ENPP2: variants seen among roughly 807,000 people sequenced by gnomAD.
ENPP2 encodes ectonucleotide pyrophosphatase/phosphodiesterase 2.
ENPP2 carries 51 observed loss-of-function variants against 120.2 expected under a neutral mutation model. The ratio of observed to expected loss-of-function variants is 0.42; its 90% confidence interval spans 0.34 to 0.54. The LOEUF (loss-of-function observed/expected upper bound fraction) is 0.54, where lower values mean the gene tolerates loss of function less well. Ranked by LOEUF, ENPP2 falls within the 20% of genes least tolerant of loss-of-function variation. The pLI is 0.04. For synonymous variants in ENPP2, 365 were observed against 366.4 expected (o/e 1.00, Z 0.04); for missense variants, 920 against 1,066.5 (o/e 0.86, Z 1.91).
intron 1 of ENPP2, among the ~76,000 whole-genome samples, chr8:119,656,112 A>T (rs142003745): frequency 2.0e-5 from 3 of 152,294 alleles, no homozygotes; most frequent in Non-Finnish European, 4.4e-5. Context: ...GTAAATCCTG[A>T]TCACAGACTT....
chr8:119,629,148 T>C (rs1360950150), intron 2 of ENPP2, among the ~76,000 whole-genome samples: 1 of 152,092 alleles, frequency 6.6e-6, no homozygotes, highest in Non-Finnish European at 1.5e-5. Context: ...ATGTCATATA[T>C]GTATGTGTGG....
At chr8:119,642,824 T>G (rs1817322065), upstream of ENPP2, among the ~76,000 whole-genome samples, 2 of 152,218 alleles carry the variant, frequency 1.3e-5, no homozygotes, top group South Asian at 4.1e-4. Context: ...AATTATTCTA[T>G]GCGTCCTTGT....
chr8:119,662,870 G>A (rs1400892819), intron 1 of ENPP2, among the ~76,000 whole-genome samples: 1 of 152,120 alleles, frequency 6.6e-6, no homozygotes, highest in Admixed American at 6.6e-5. Flanking sequence ...CAGGACTTTG[G>A]GAGGCCAAGG....
upstream of ENPP2, among the ~76,000 whole-genome samples, chr8:119,640,233 G>A (rs796868354): frequency 5.3e-5 from 8 of 152,276 alleles, no homozygotes; most frequent in African/African-American, 1.9e-4. Context: ...AAAGAGGACA[G>A]GCTTATACAT....
chr8:119,627,244 A>G (rs1005566188), intron 2 of ENPP2, among the ~76,000 whole-genome samples: 1 of 152,204 alleles, frequency 6.6e-6, no homozygotes, highest in Admixed American at 6.5e-5. Context: ...GAAGACTTTT[A>G]CAGTTTCAGC....
At chr8:119,557,747 A>G (rs1813580421) in intron 24 of ENPP2, 56 bp from the exon 25 acceptor site, 8 of 1,454,368 alleles carry the variant, frequency 5.5e-6, no homozygotes, top group Non-Finnish European at 7.4e-6. Context: ...AGTTTCTCCA[A>G]ATGGTCAGTT....
chr8:119,632,019 T>C (rs978227042), intron 2 of ENPP2, among the ~76,000 whole-genome samples: 2 of 152,218 alleles, frequency 1.3e-5, no homozygotes, highest in Admixed American at 1.3e-4. Context: ...TGCTCATCCC[T>C]CAGTCCTTTG....
At position 119,628,751 on chromosome 8, in the gene ENPP2, A is replaced by G. The variant is rs892486784; in HGVS notation, c.137-2031T>C. Among the ~76,000 whole-genome samples, 6 of 152,216 alleles carry G rather than the reference A, an allele frequency of 3.9e-5. No individual in the cohort carries two copies. In the East Asian group the frequency reaches 1.2e-3, roughly 29 times the overall value. ...GGATAGAAATGAAGATAGAAATAAA[A>G]ACAGAGCCAAAACTAGAGACGAGTG... On this transcript the variant is annotated intron_variant, in intron 2 of 24. Transcript: ENST00000075322.
intron 1 of ENPP2, among the ~76,000 whole-genome samples, chr8:119,658,122 G>A (rs923268813): frequency 6.6e-6 from 1 of 152,166 alleles, no homozygotes; most frequent in East Asian, 1.9e-4. Context: ...ATAATAACAC[G>A]TAATATTGAT....
chr8:119,637,877 A>T (rs778306885), intron 2 of ENPP2, among the ~76,000 whole-genome samples: 1 of 152,228 alleles, frequency 6.6e-6, no homozygotes, highest in Admixed American at 6.5e-5. Flanking sequence ...TTCCTTTGCC[A>T]TAAGGACACA....
intron 11 of ENPP2, among the ~76,000 whole-genome samples, chr8:119,599,789 T>C (rs927129768): frequency 6.6e-6 from 1 of 152,196 alleles, no homozygotes; most frequent in East Asian, 1.9e-4. Context: ...GTGGATCACC[T>C]GAGGTCAGGA....
intron 11 of ENPP2, among the ~76,000 whole-genome samples, chr8:119,597,345 G>A (rs1222728659): frequency 1.3e-5 from 2 of 152,218 alleles, no homozygotes; most frequent in African/African-American, 4.8e-5. Context: ...CCATTTGCAA[G>A]AGACCTCAAC....
intron 14 of ENPP2, 113 bp from the exon 15 acceptor site, chr8:119,586,426 G>T: frequency 1.2e-6 from 1 of 829,202 alleles, no homozygotes; most frequent in Non-Finnish European, 1.9e-6. Flanking sequence ...AGGTTAATGA[G>T]TGAATAAATG....
chr8:119,559,161 A>G (rs372401167), intron 24 of ENPP2, among the ~76,000 whole-genome samples: 5 of 152,212 alleles, frequency 3.3e-5, no homozygotes, highest in African/African-American at 1.2e-4. Flanking sequence ...ATATAACTCT[A>G]CCCACAATGG....
rs1414135809 is a variant in ENPP2 at position 119,638,758 on chromosome 8, T to C, written c.23A>G (p.Gln8Arg). 2.5e-6 allele frequency: 4 copies of C among 1,601,292 alleles called. No homozygotes were observed. The highest frequency in any genetic ancestry group is 3.4e-6 in the Non-Finnish European group (4 of 1,168,270). MARRSSF[Q>R]SCQIISLFTF... is the part of the protein sequence containing the mutation. ...CCTCCGTTCTCCCACCTGACACGAC[T>C]GGAACGAGCTCCTCCTTGCCATGTC... The change falls in exon 1 of 25, where the codon CAG (glutamine) becomes CGG (arginine). Residue 8 changes from glutamine (Q) to arginine (R), a missense_variant. Gln to Arg is a conservative substitution (Grantham distance 43). Transcript: ENST00000075322.
In ENPP2 at chr8:119,671,504, G is replaced by T. The variant is rs534525521; in HGVS notation, c.21+1748C>A. On this transcript the variant is annotated intron_variant, in intron 1 of 25. Coordinates refer to the ENPP2 transcript ENST00000427067. ...TATACTCAGCAATGAGATCAGACAG[G>T]GTTTGGTGATGATTGTCATGAATGA... Among the ~76,000 whole-genome samples the T allele has an allele frequency of 6.6e-5, 10 of 152,258 alleles. No homozygotes were observed. The South Asian group carries it at 2.1e-3, about 32-fold the overall frequency.
chr8:119,634,043 C>T (rs750540363), intron 2 of ENPP2, among the ~76,000 whole-genome samples: 20 of 152,074 alleles, frequency 1.3e-4, no homozygotes, highest in East Asian at 9.7e-4. Flanking sequence ...ATTAGCCTGG[C>T]GCGGTGGTGG....
chr8:119,591,156 C>G (rs1813481532), intron 12 of ENPP2, among the ~76,000 whole-genome samples: 1 of 152,144 alleles, frequency 6.6e-6, no homozygotes, highest in African/African-American at 2.4e-5. Context: ...TCCTCACTGT[C>G]TCCACTGGTG....
At chr8:119,568,750 G>A (rs1157015527) in intron 21 of ENPP2, among the ~76,000 whole-genome samples, 2 of 152,104 alleles carry the variant, frequency 1.3e-5, no homozygotes, top group African/African-American at 2.4e-5. Flanking sequence ...ACTGGCGTGT[G>A]CCACCAGCTC....
Sources: gnomAD v4.1 joint callset for allele counts (sites outside exome capture counted in the v4.1 genomes callset) on GRCh38, gnomAD v4.1.1 for gene constraint, MANE v1.5 for transcripts, NCBI Gene and HGNC (gene_info 2026-07-23, HGNC 2026-07-21) for gene names.